EGFLAM: variants seen among roughly 807,000 people sequenced by gnomAD.
The protein encoded by EGFLAM is EGF like, fibronectin type III and laminin G domains.
EGFLAM carries 79 observed loss-of-function variants against 113.1 expected under a neutral mutation model. The ratio of observed to expected loss-of-function variants is 0.70; its 90% CI spans 0.58 to 0.84. The LOEUF is 0.84. Ranked by LOEUF, EGFLAM falls within the 40% of genes least tolerant of loss-of-function variation. The probability of loss-of-function intolerance (pLI) is 0.00; values close to 1 mark genes in which losing one functional copy is unlikely to be tolerated. For missense variants in EGFLAM, 1,265 were observed against 1,291.6 expected (o/e 0.98, Z 0.32); for synonymous variants, 504 against 487.6 (o/e 1.03, Z -0.44).
chr5:38,418,819 G>A (rs1230651197), intron 12 of EGFLAM, among the ~76,000 whole-genome samples: 1 of 152,180 alleles, frequency 6.6e-6, no homozygotes, highest in Non-Finnish European at 1.5e-5. Context: ...GAAAGTAGCA[G>A]GCAGAGCTAG....
intron 6 of EGFLAM, among the ~76,000 whole-genome samples, chr5:38,390,503 AG>A (rs141619639): frequency 0.031 from 4,740 of 152,258 alleles, 287 homozygotes; most frequent in African/African-American, 0.11. Flanking sequence ...AGCTTTCTTC[AG>A]CATGTGCTTT....
intron 9 of EGFLAM, 113 bp downstream of exon 9, chr5:38,408,018 T>C: frequency 1.4e-6 from 1 of 733,376 alleles, no homozygotes; most frequent in East Asian, 2.6e-5. Context: ...CGACGAAAGG[T>C]AAATATGACA....
At chr5:38,435,899 C>A (rs1375642225) in intron 16 of EGFLAM, among the ~76,000 whole-genome samples, 2 of 148,620 alleles carry the variant, frequency 1.3e-5, no homozygotes, top group African/African-American at 5.0e-5. Flanking sequence ...CTCACTGCAA[C>A]CTCCACCTCC....
chr5:38,312,461 T>C (rs987822542), intron 1 of EGFLAM, among the ~76,000 whole-genome samples: 62 of 152,102 alleles, frequency 4.1e-4, no homozygotes, highest in Admixed American at 1.6e-3. Context: ...AGGATGGTCT[T>C]GATCTGCTGA....
chr5:38,283,244 T>C lies in EGFLAM; in HGVS notation c.97+24393T>C, dbSNP rs79159871. On this transcript the variant is annotated intron_variant, in intron 1 of 21. Coordinates refer to ENST00000322350, the MANE Select transcript of EGFLAM (RefSeq NM_152403.4). ...CAGATATTCTGGAAGGGCTTGGGAT[T>C]TGGATCCAAGAACCACCTCCAACAA... 9.5e-3 allele frequency among the ~76,000 whole-genome samples: 1,450 copies of C among 152,222 alleles called. 25 individuals are homozygous for C. The highest frequency in any genetic ancestry group is 0.03 in the African/African-American group (1,231 of 41,548).
intron 14 of EGFLAM, among the ~76,000 whole-genome samples, chr5:38,430,960 T>G (rs1278756294): frequency 1.3e-5 from 2 of 152,194 alleles, no homozygotes; most frequent in Admixed American, 6.5e-5. Context: ...TCCCCCCTCC[T>G]CTTCCTTTTT....
At chr5:38,282,026 GA>G (rs1170574537) in intron 1 of EGFLAM, among the ~76,000 whole-genome samples, 1 of 152,136 alleles carries the variant, frequency 6.6e-6, no homozygotes, top group African/African-American at 2.4e-5. Context: ...TACCTAAAGG[GA>G]AAGATCACTG....
chr5:38,318,236 G>A (rs2111883889), intron 1 of EGFLAM, among the ~76,000 whole-genome samples: 1 of 151,610 alleles, frequency 6.6e-6, no homozygotes, highest in African/African-American at 2.4e-5. Flanking sequence ...TAGACTTAAA[G>A]GAGAGTTATG....
intron 3 of EGFLAM, among the ~76,000 whole-genome samples, chr5:38,347,849 C>T (rs1308016168): frequency 6.6e-6 from 1 of 152,072 alleles, no homozygotes; most frequent in African/African-American, 2.4e-5. Context: ...GGCAGTGCAG[C>T]ATTGGTGGCA....
chr5:38,328,571 A>G (rs1738948852), intron 1 of EGFLAM, among the ~76,000 whole-genome samples: 4 of 152,172 alleles, frequency 2.6e-5, no homozygotes, highest in Admixed American at 2.0e-4. Context: ...ATTTTTCGAG[A>G]GTAGTGCATT....
intron 19 of EGFLAM, among the ~76,000 whole-genome samples, chr5:38,452,822 G>A (rs1391418334): frequency 1.3e-5 from 2 of 152,222 alleles, no homozygotes; most frequent in Non-Finnish European, 2.9e-5. Flanking sequence ...CCTCTTTTAA[G>A]TGAATTTAGA....
intron 1 of EGFLAM, among the ~76,000 whole-genome samples, chr5:38,298,439 T>C (rs1390427815): frequency 6.6e-6 from 1 of 152,168 alleles, no homozygotes; most frequent in Non-Finnish European, 1.5e-5. Context: ...TCAGTCCTAT[T>C]GAGCTCACAC....
At chr5:38,290,541 T>A (rs1394014046) in intron 1 of EGFLAM, 1 of 152,244 alleles carries the variant, frequency 6.6e-6, no homozygotes, top group Non-Finnish European at 1.5e-5. Flanking sequence ...GACCTCTTAC[T>A]ACTTGCTACT....
In EGFLAM at chr5:38,269,390, CT is replaced by C. The variant is rs372294743; in HGVS notation, c.97+10547del. ...GTTGCTTCTTAAATTATAAAAAAATCTTTTTTTTAGACACCACAGCCTTCTT... is the reference window on the plus strand; with the variant it reads ...GTTGCTTCTTAAATTATAAAAAAATCTTTTTTTAGACACCACAGCCTTCTT... On this transcript the variant is annotated intron_variant, in intron 1 of 21. Transcript: ENST00000322350. Among the ~76,000 whole-genome samples, 674 of 151,712 alleles carry C rather than the reference CT, an allele frequency of 4.4e-3. 3 individuals are homozygous for C. The highest frequency in any genetic ancestry group is 0.014 in the African/African-American group (593 of 41,390).
chr5:38,304,807 TGTAACA>T (rs1213170544), intron 1 of EGFLAM, among the ~76,000 whole-genome samples: 1 of 151,628 alleles, frequency 6.6e-6, no homozygotes, highest in Admixed American at 6.6e-5. Context: ...TGAAGAAAAA[TGTAACA>T]GAAACACACC....
intron 1 of EGFLAM, chr5:38,282,413 A>G (rs556532934): frequency 6.6e-6 from 1 of 152,246 alleles, no homozygotes; most frequent in African/African-American, 2.4e-5. Flanking sequence ...AGAACATGGT[A>G]TAGAACAAGC....
chr5:38,425,977 G>T (rs1741993097), intron 13 of EGFLAM, among the ~76,000 whole-genome samples: 1 of 151,930 alleles, frequency 6.6e-6, no homozygotes, highest in African/African-American at 2.4e-5. Flanking sequence ...GTGGTGCACA[G>T]CTGTAATCCC....
intron 1 of EGFLAM, among the ~76,000 whole-genome samples, chr5:38,285,332 G>A (rs1302953207): frequency 6.6e-6 from 1 of 152,158 alleles, no homozygotes; most frequent in African/African-American, 2.4e-5. Context: ...AGTTTTTACA[G>A]AAACTTTTTC....
intron 1 of EGFLAM, among the ~76,000 whole-genome samples, chr5:38,331,411 C>G (rs961362724): frequency 3.3e-5 from 5 of 152,224 alleles, no homozygotes; most frequent in African/African-American, 1.2e-4. Context: ...ATCCCTTGCT[C>G]TCTCCTAATA....
Sources: allele counts gnomAD v4.1 joint callset (sites outside exome capture counted in the v4.1 genomes callset), GRCh38; gene constraint gnomAD v4.1.1; transcripts MANE v1.5; gene names NCBI Gene and HGNC (gene_info 2026-07-23, HGNC 2026-07-21).